The following TEX14 variants were observed in gnomAD, a reference collection of about 807,000 sequenced individuals.
The protein encoded by TEX14 is testis expressed 14, intercellular bridge forming factor.
TEX14 carries 168 observed loss-of-function variants against 178.6 expected under a neutral mutation model. The observed-to-expected ratio is 0.94, with a 90% CI of 0.83 to 1.07. The LOEUF is 1.07. Among genes scored for constraint, TEX14 ranks in the 50% least tolerant of loss-of-function variants. The pLI, the probability that TEX14 is intolerant of heterozygous loss-of-function variation, is 0.00. For missense variants in TEX14, 1,730 were observed against 1,753.6 expected (o/e 0.99, Z 0.24); for synonymous variants, 626 against 634.1 (o/e 0.99, Z 0.19).
In TEX14 at chr17:58,580,987, C is replaced by T. The variant is rs141289517; in HGVS notation, c.3172-1256G>A. Among the ~76,000 whole-genome samples, 331 of 152,168 alleles carry T rather than the reference C, an allele frequency of 2.2e-3. 3 individuals are homozygous for T. Among genetic ancestry groups the T allele is most frequent in the African/African-American group, 7.6e-3 (317 of 41,518 alleles). ...AGAGGAATGATAGCCTTGTCCTTTC[C>T]CATTAGGAAGTATGAATTAAGTAGC... On this transcript the variant is annotated intron_variant, in intron 19 of 31. Coordinates refer to ENST00000349033, the MANE Select transcript of TEX14 (RefSeq NM_031272.5).
At chr17:58,669,540 C>T in intron 1 of TEX14, among the ~76,000 whole-genome samples, 1 of 151,642 alleles carries the variant, frequency 6.6e-6, no homozygotes, top group Non-Finnish European at 1.5e-5. Context: ...TCGAAACCAG[C>T]CTGACCAAAA....
intron 19 of TEX14, among the ~76,000 whole-genome samples, chr17:58,581,314 A>T (rs1485307871): frequency 1.3e-5 from 2 of 152,056 alleles, no homozygotes; most frequent in Non-Finnish European, 2.9e-5. Context: ...CTATCTCAAA[A>T]ATTAAAAAAA....
At chr17:58,654,392 G>C (rs969761824) in intron 1 of TEX14, among the ~76,000 whole-genome samples, 23 of 149,206 alleles carry the variant, frequency 1.5e-4, no homozygotes, top group African/African-American at 5.2e-4. Context: ...CTAGATCCTA[G>C]TTAAAGATTA....
intron 17 of TEX14, among the ~76,000 whole-genome samples, chr17:58,586,472 A>G (rs2044977718): frequency 6.6e-6 from 1 of 152,168 alleles, no homozygotes; most frequent in Non-Finnish European, 1.5e-5. Context: ...CTGAGCTCAT[A>G]TTTTTGGAAT....
At chr17:58,572,217 C>A in intron 23 of TEX14, 91 bp from the exon 24 acceptor site, 1 of 788,032 alleles carries the variant, frequency 1.3e-6, no homozygotes, top group Non-Finnish European at 2.1e-6. Context: ...TTTTCTGCCC[C>A]AATATGATGT....
chr17:58,580,088 C>T (rs893122410), intron 19 of TEX14, among the ~76,000 whole-genome samples: 4 of 152,174 alleles, frequency 2.6e-5, no homozygotes, highest in Admixed American at 1.3e-4. Flanking sequence ...AACTACTCTA[C>T]GAGGTAAGAA....
intron 5 of TEX14, among the ~76,000 whole-genome samples, chr17:58,620,869 C>T (rs1014044750): frequency 6.6e-6 from 1 of 152,028 alleles, no homozygotes; most frequent in Non-Finnish European, 1.5e-5. Context: ...GCAGCACAGC[C>T]GTTAGGAGTT....
chr17:58,628,090 C>T (rs957433627), intron 3 of TEX14, among the ~76,000 whole-genome samples: 1 of 151,826 alleles, frequency 6.6e-6, no homozygotes, highest in Non-Finnish European at 1.5e-5. Context: ...TTAAACAATA[C>T]GGTAGAGCCA....
At chr17:58,583,692 C>G (rs1276007815) in intron 19 of TEX14, among the ~76,000 whole-genome samples, 1 of 152,218 alleles carries the variant, frequency 6.6e-6, no homozygotes, top group Non-Finnish European at 1.5e-5. Flanking sequence ...TTCGTCCTGG[C>G]CTCCGGCAGA....
intron 10 of TEX14, among the ~76,000 whole-genome samples, chr17:58,610,599 C>CA (rs1352640595): frequency 6.6e-6 from 1 of 152,128 alleles, no homozygotes; most frequent in Non-Finnish European, 1.5e-5. Context: ...AAAAGCTGCT[C>CA]AAAGGGCCAG....
chr17:58,621,013 C>G (rs1045829641), intron 5 of TEX14, among the ~76,000 whole-genome samples: 2 of 152,276 alleles, frequency 1.3e-5, no homozygotes, highest in Non-Finnish European at 2.9e-5. Context: ...ACCCTGCTTA[C>G]AGAAAGAGAT....
chr17:58,601,218 T>C (rs1447425948), intron 13 of TEX14, among the ~76,000 whole-genome samples: 2 of 151,810 alleles, frequency 1.3e-5, no homozygotes, highest in East Asian at 3.9e-4. Flanking sequence ...AGACCTTGTC[T>C]CTACTAAAAA....
At chr17:58,614,382 C>T (rs1343561393) in intron 8 of TEX14, among the ~76,000 whole-genome samples, 2 of 152,170 alleles carry the variant, frequency 1.3e-5, no homozygotes, top group Non-Finnish European at 2.9e-5. Context: ...CCCAGCTACT[C>T]AGGAGGCTGA....
At chr17:58,631,883 TTA>T (rs1386124622) in intron 2 of TEX14, 3 of 152,328 alleles carry the variant, frequency 2.0e-5, no homozygotes, top group African/African-American at 7.2e-5. Flanking sequence ...CTCACACATA[TTA>T]TGCTGATGGT....
chr17:58,662,370 T>C lies in TEX14; in HGVS notation c.-1-10368A>G, dbSNP rs777913387. The stretch of plus-strand genomic sequence containing the variant: ...GAGGCTGAGGCAGGAGAATTGCTTG[T>C]ACATAATACATATTATGTGTGTACA... On this transcript the variant is annotated intron_variant, in intron 1 of 31. Transcript: ENST00000349033. 3.5e-4 allele frequency among the ~76,000 whole-genome samples: 53 copies of C among 151,116 alleles called. 1 individual carries two copies. Among genetic ancestry groups the C allele is most frequent in the Non-Finnish European group, 1.6e-4 (11 of 67,806 alleles).
chr17:58,687,416 C>A (rs2047620286), intron 1 of TEX14, among the ~76,000 whole-genome samples: 1 of 152,140 alleles, frequency 6.6e-6, no homozygotes, highest in South Asian at 2.1e-4. Context: ...CATTTGCCCT[C>A]CTTTGTTCAG....
At chr17:58,654,081 G>T (rs1457632423) in intron 1 of TEX14, among the ~76,000 whole-genome samples, 1 of 152,298 alleles carries the variant, frequency 6.6e-6, no homozygotes, top group East Asian at 1.9e-4. Context: ...GGGAGACTGA[G>T]GCGGGAGAAT....
rs1316187230 is a variant in TEX14, at chr17:58,602,489, C to T, written c.1438G>A (p.Asp480Asn). The T allele has an allele frequency of 1.9e-6, 3 of 1,613,790 alleles. No individual in the cohort carries two copies. The highest frequency in any genetic ancestry group is 2.2e-5 in the East Asian group (1 of 44,872). ...ADVRLPKPYY[D>N]IVKSGIHVKQ... The stretch of plus-strand genomic sequence containing the variant: ...ACGTGGATGCCTGACTTAACAATAT[C>T]ATAGTAAGGTTTCGGAAGCCTGACA... The change falls in exon 12 of 32, where the codon GAT (aspartate) becomes AAT (asparagine). Residue 480 changes from aspartate to asparagine, a missense_variant. By Grantham distance (23) the Asp-to-Asn change is conservative (BLOSUM62 1). Transcript: ENST00000349033.
At chr17:58,576,264 T>A (rs941671401) in intron 21 of TEX14, among the ~76,000 whole-genome samples, 12 of 152,336 alleles carry the variant, frequency 7.9e-5, no homozygotes, top group African/African-American at 2.9e-4. Flanking sequence ...GGCAGGTGGA[T>A]CACCTGAGGT....
Sources: allele counts gnomAD v4.1 joint callset (sites outside exome capture counted in the v4.1 genomes callset), GRCh38; gene constraint gnomAD v4.1.1; transcripts MANE v1.5; gene names NCBI Gene and HGNC (gene_info 2026-07-23, HGNC 2026-07-21).